The following KALRN variants were observed in gnomAD, a reference collection of about 807,000 sequenced individuals.
The protein encoded by KALRN is kalirin.
KALRN carries 70 observed loss-of-function variants against 353.7 expected under a neutral mutation model. The observed-to-expected ratio is 0.20, with a 90% confidence interval of 0.16 to 0.24. The LOEUF (loss-of-function observed/expected upper bound fraction) is 0.24. KALRN is among the 10% of genes least tolerant of loss of function. The pLI is 1.00. For synonymous variants in KALRN, 1,391 were observed against 1,434.8 expected, an observed-to-expected ratio of 0.97 and a Z score of 0.69; for missense variants, 2,791 against 3,756.7, an observed-to-expected ratio of 0.74 and a Z score of 6.72.
At chr3:124,592,309 C>CAAAAAAAAAAAAAAAA (rs10575664) in intron 34 of KALRN, among the ~76,000 whole-genome samples, 2 of 120,646 alleles carry the variant, frequency 1.7e-5, no homozygotes, top group Non-Finnish European at 1.7e-5. Flanking sequence ...CTCAAAGAAA[C>CAAAAAAAAAAAAAAAA]AAAAAAAAAA....
intron 14 of KALRN, among the ~76,000 whole-genome samples, chr3:124,419,683 A>T (rs2092688796): frequency 6.6e-6 from 1 of 152,188 alleles, no homozygotes; most frequent in Non-Finnish European, 1.5e-5. Flanking sequence ...TAGATAAGTT[A>T]ATAAGGAACC....
At chr3:124,232,825 A>G (rs2079320060) in intron 2 of KALRN, among the ~76,000 whole-genome samples, 1 of 152,054 alleles carries the variant, frequency 6.6e-6, no homozygotes, top group African/African-American at 2.4e-5. Context: ...AAGCTCATTC[A>G]TTAATGGACA....
intron 14 of KALRN, among the ~76,000 whole-genome samples, chr3:124,422,546 A>G (rs900331825): frequency 6.6e-6 from 1 of 152,176 alleles, no homozygotes; most frequent in Non-Finnish European, 1.5e-5. Context: ...GGACCTCTAT[A>G]TAACTGTAAT....
intron 6 of KALRN, among the ~76,000 whole-genome samples, chr3:124,323,456 C>G (rs1027002499): frequency 2.0e-5 from 3 of 152,132 alleles, no homozygotes; most frequent in Non-Finnish European, 4.4e-5. Context: ...CTCCTACAGC[C>G]CCCAACACAG....
intron 10 of KALRN, among the ~76,000 whole-genome samples, chr3:124,381,109 G>A (rs2087305920): frequency 6.6e-6 from 1 of 152,168 alleles, no homozygotes; most frequent in Non-Finnish European, 1.5e-5. Context: ...CAATCTAGGA[G>A]TCCAGAGGAG....
intron 37 of KALRN, among the ~76,000 whole-genome samples, chr3:124,645,648 C>G (rs113569441): frequency 2.6e-4 from 28 of 108,616 alleles, no homozygotes; most frequent in African/African-American, 9.2e-4. Flanking sequence ...CTCTCTCTCT[C>G]TCTCTCTCTC....
At chr3:124,155,933 C>T (rs2068917908) in intron 1 of KALRN, among the ~76,000 whole-genome samples, 2 of 152,166 alleles carry the variant, frequency 1.3e-5, no homozygotes, top group African/African-American at 4.8e-5. Context: ...CCGCTTCTGG[C>T]AACCTGAAAT....
rs751637871 is a variant in KALRN at position 124,632,518 on chromosome 3, G to C, written c.5281G>C (p.Gly1761Arg). 1 of 1,614,178 alleles carries C rather than the reference G, an allele frequency of 6.2e-7. No individual in the cohort carries two copies. The change falls in exon 35 of 60, where the codon GGT becomes CGT. Residue 1761 changes from glycine (G) to arginine (R), a missense_variant. Physicochemically the swap from Gly to Arg is moderately radical, Grantham distance 125 (BLOSUM62 -2). This residue lies in a region of KALRN where 1,065 missense variants were observed against 1,156.4 expected (regional missense o/e 0.92). Coordinates refer to ENST00000682506, the MANE Select transcript of KALRN (RefSeq NM_001388419.1). ...PSLNSIHSSP[G>R]PKRSTNTLKK... ...CCTGAACTCCATCCACAGTTCCCCG[G>C]GTCCCAAGCGCTCCACCAACACTCT...
At chr3:124,593,230 C>G (rs1470733604) in intron 34 of KALRN, among the ~76,000 whole-genome samples, 5 of 152,336 alleles carry the variant, frequency 3.3e-5, no homozygotes, top group African/African-American at 1.2e-4. Context: ...ATTGCAAACA[C>G]ATTGTTTGCC....
At chr3:124,248,117 C>T (rs1378108120) in intron 3 of KALRN, among the ~76,000 whole-genome samples, 1 of 152,240 alleles carries the variant, frequency 6.6e-6, no homozygotes, top group Non-Finnish European at 1.5e-5. Flanking sequence ...ACAACTTTCT[C>T]TCTGATAGGT....
At chr3:124,267,781 A>G (rs1341248468) in intron 4 of KALRN, among the ~76,000 whole-genome samples, 1 of 152,232 alleles carries the variant, frequency 6.6e-6, no homozygotes, top group Non-Finnish European at 1.5e-5. Context: ...TGCAGCCTTC[A>G]GATCATCAGA....
At position 124,406,813 on chromosome 3, in the gene KALRN, C is replaced by A. The variant is rs530998984; in HGVS notation, c.2347-6657C>A. On this transcript the variant is annotated intron_variant, in intron 13 of 59. Transcript: ENST00000682506. ...TTTACTAACTTTACTAATTGTGTGG[C>A]CTTAAGCAAGTTGCTTTGCTTTTTT... 1.5e-4 allele frequency among the ~76,000 whole-genome samples: 22 copies of A among 148,414 alleles called. No homozygotes were observed. The South Asian group carries it at 3.0e-3, about 20-fold the overall frequency.
intron 55 of KALRN, 103 bp from the exon 56 acceptor site, chr3:124,699,766 T>G: frequency 9.0e-7 from 1 of 1,112,362 alleles, no homozygotes; most frequent in South Asian, 1.4e-5. Context: ...CAAGCATCCC[T>G]TGAATTGAAT....
At chr3:124,633,768 A>C in intron 35 of KALRN, 84 bp from the exon 36 acceptor site, 1 of 1,112,394 alleles carries the variant, frequency 9.0e-7, no homozygotes, top group Non-Finnish European at 1.3e-6. Context: ...CTCTCCTCCT[A>C]TGTATTATTT....
intron 19 of KALRN, among the ~76,000 whole-genome samples, chr3:124,442,670 G>A (rs1277521490): frequency 2.6e-5 from 4 of 152,252 alleles, no homozygotes; most frequent in East Asian, 3.9e-4. Context: ...GACATCCCTA[G>A]GAGAGTGTAT....
chr3:124,496,215 G>T, intron 32 of KALRN, 96 bp from the exon 33 acceptor site: 1 of 825,816 alleles, frequency 1.2e-6, no homozygotes. Context: ...GTGCTGAGGC[G>T]CTGCTCTGCC....
At chr3:124,419,190 C>T (rs2150332392) in intron 14 of KALRN, among the ~76,000 whole-genome samples, 1 of 151,944 alleles carries the variant, frequency 6.6e-6, no homozygotes, top group Middle Eastern at 3.4e-3. Context: ...ACATAAACAC[C>T]TGTCAGTAAG....
chr3:124,385,316 G>T (rs1288954524), intron 11 of KALRN, among the ~76,000 whole-genome samples: 2 of 152,114 alleles, frequency 1.3e-5, no homozygotes, highest in Non-Finnish European at 2.9e-5. Flanking sequence ...CTGGAGAAAT[G>T]TGGGAATCCC....
At chr3:124,260,338 A>G (rs1277344520) in intron 3 of KALRN, among the ~76,000 whole-genome samples, 1 of 152,232 alleles carries the variant, frequency 6.6e-6, no homozygotes, top group East Asian at 1.9e-4. Context: ...GTGGCAGCAC[A>G]GTAGACCAGC....
Sources: gnomAD v4.1 joint callset for allele counts (sites outside exome capture counted in the v4.1 genomes callset) on GRCh38, gnomAD v4.1.1 for gene constraint, gnomAD v4.1.1 regional missense constraint, MANE v1.5 for transcripts, NCBI Gene and HGNC (gene_info 2026-07-23, HGNC 2026-07-21) for gene names.